RPS6KC1: variants seen among roughly 807,000 people sequenced by gnomAD.
The protein encoded by RPS6KC1 is inactive ribosomal protein S6 kinase delta-1.
In RPS6KC1, 54 loss-of-function variants were observed where a neutral mutation model predicts 103.8. The observed-to-expected ratio is 0.52, with a 90% CI of 0.42 to 0.65. RPS6KC1 has a LOEUF of 0.65. Ranked by LOEUF, RPS6KC1 falls within the 30% of genes least tolerant of loss-of-function variation. The pLI, the probability that RPS6KC1 is intolerant of heterozygous loss-of-function variation, is 0.00. For synonymous variants in RPS6KC1, 439 were observed against 438.7 expected, an observed-to-expected ratio of 1.00 and a Z score of -0.01; for missense variants, 1,151 against 1,253.8, an observed-to-expected ratio of 0.92 and a Z score of 1.24.
chr1:213,485,408 C>A, the RPS6KC1 span, among the ~76,000 whole-genome samples: 1 of 152,128 alleles, frequency 6.6e-6, no homozygotes, highest in African/African-American at 2.4e-5. Context: ...CACCCCTAAC[C>A]TGCCACCCCC....
intron 1 of RPS6KC1, among the ~76,000 whole-genome samples, chr1:213,055,127 A>G (rs1041133295): frequency 2.0e-5 from 3 of 152,188 alleles, no homozygotes; most frequent in Non-Finnish European, 1.5e-5. Context: ...GTAAGTGTCC[A>G]ATTTGATGAG....
chr1:213,749,716 T>C, the RPS6KC1 span, among the ~76,000 whole-genome samples: 1 of 152,188 alleles, frequency 6.6e-6, no homozygotes, highest in Non-Finnish European at 1.5e-5. Flanking sequence ...GTGTCTATTG[T>C]GGCAGCTACT....
intron 6 of RPS6KC1, among the ~76,000 whole-genome samples, chr1:213,163,300 A>G (rs1373467546): frequency 2.0e-5 from 3 of 152,262 alleles, no homozygotes; most frequent in African/African-American, 7.2e-5. Flanking sequence ...GAAATCAAGC[A>G]TGCTTGACTA....
the RPS6KC1 span, among the ~76,000 whole-genome samples, chr1:213,301,023 C>T: frequency 6.6e-6 from 1 of 152,122 alleles, no homozygotes. Flanking sequence ...TTCTGGGGCT[C>T]TCTACTGTGA....
the RPS6KC1 span, among the ~76,000 whole-genome samples, chr1:213,542,537 T>A: frequency 1.1e-4 from 17 of 152,332 alleles, no homozygotes; most frequent in Non-Finnish European, 2.2e-4. Context: ...TCTTTCTCTC[T>A]AAATTTTTGA....
chr1:213,701,894 TTACATCA>T, the RPS6KC1 span, among the ~76,000 whole-genome samples: 2,490 of 152,154 alleles, frequency 0.016, 48 homozygotes, highest in African/African-American at 0.046. Context: ...TTTGCATTGT[TTACATCA>T]TTTCAATTTC....
At chr1:213,423,268 G>T in the RPS6KC1 span, among the ~76,000 whole-genome samples, 1 of 152,218 alleles carries the variant, frequency 6.6e-6, no homozygotes, top group African/African-American at 2.4e-5. Context: ...AGCAGCCCAG[G>T]ATGAGAGAGA....
At position 213,104,559 on chromosome 1, in the gene RPS6KC1, A is replaced by C; in HGVS notation, c.368A>C (p.Asp123Ala). 1 of 1,582,758 alleles carries C rather than the reference A, an allele frequency of 6.3e-7. No homozygotes were observed. The highest frequency in any genetic ancestry group is 8.6e-7 in the Non-Finnish European group (1 of 1,156,484). ...PALYNSKQLE[D>A]FFKGGIINDS... is the part of the protein sequence containing the mutation. ...CTTTACAATAGTAAACAGCTTGAAG[A>C]CTTTTTCAAGGTTTGGTAGTCTTTC... The change falls in exon 4 of 15, where the codon GAC (aspartate) becomes GCC (alanine). Residue 123 changes from aspartate to alanine, a missense_variant. Physicochemically the swap from Asp to Ala is moderately radical, Grantham distance 126 (BLOSUM62 -2). Around this residue, in one of 3 missense-constraint regions of RPS6KC1, gnomAD observed 959 missense variants for 1,006.3 expected, o/e 0.95. Transcript: ENST00000366960.
chr1:213,241,888 G>C lies in RPS6KC1; in HGVS notation c.2412G>C (p.Val804=), dbSNP rs751490870. Residue 804 remains valine, a synonymous_variant, in exon 11 of 15, where the codon GTG becomes GTC. Transcript: ENST00000366960. ...ATCCTAAGTTTCAAGGACTTGGAGT[G>C]GTTGAGTCAGCAGTAACTGCAAACA... ...SSDPKFQGLG[V]VESAVTANNT... The C allele has an allele frequency of 6.2e-7, 1 of 1,613,858 alleles. No homozygotes were observed. Among genetic ancestry groups the C allele is most frequent in the Non-Finnish European group, 8.5e-7 (1 of 1,179,952 alleles).
the RPS6KC1 span, among the ~76,000 whole-genome samples, chr1:213,466,193 T>C: frequency 8.5e-5 from 13 of 152,316 alleles, no homozygotes; most frequent in East Asian, 2.3e-3. Flanking sequence ...TTTATTTATA[T>C]AGTTATATTT....
chr1:213,655,010 G>T, the RPS6KC1 span, among the ~76,000 whole-genome samples: 2 of 152,036 alleles, frequency 1.3e-5, no homozygotes, highest in African/African-American at 2.4e-5. Flanking sequence ...AGTGTGATTT[G>T]CCTTTCAAGA....
the RPS6KC1 span, among the ~76,000 whole-genome samples, chr1:213,526,695 G>A: frequency 1.3e-5 from 2 of 152,160 alleles, no homozygotes; most frequent in African/African-American, 2.4e-5. Context: ...TGCTCCCTGA[G>A]CCTCCATTTC....
the RPS6KC1 span, among the ~76,000 whole-genome samples, chr1:213,791,219 T>C: frequency 6.6e-6 from 1 of 152,104 alleles, no homozygotes. Context: ...TAAGAAGTGA[T>C]ATAGGCTGAG....
At position 213,129,801 on chromosome 1, in the gene RPS6KC1, G is replaced by A. The variant is rs1187877655; in HGVS notation, c.747G>A (p.Leu249=). The change falls in exon 6 of 15, where the codon CTG becomes CTA. Residue 249 remains leucine (L), a synonymous_variant. Transcript: ENST00000366960. ...YLEKAGELIK[L]ALKKEEEDDY... ...AGAAAGCAGGAGAATTAATAAAGCTGGCTTTAAAAAAGGAAGAAGAAGACG... is the reference window on the plus strand; with the variant it reads ...AGAAAGCAGGAGAATTAATAAAGCTAGCTTTAAAAAAGGAAGAAGAAGACG... 6.2e-7 allele frequency: 1 copy of A among 1,613,650 alleles called. No homozygotes were observed. Among genetic ancestry groups the A allele is most frequent in the South Asian group, 1.1e-5 (1 of 90,978 alleles).
the RPS6KC1 span, among the ~76,000 whole-genome samples, chr1:213,630,278 C>T: frequency 6.6e-6 from 1 of 150,636 alleles, no homozygotes; most frequent in Non-Finnish European, 1.5e-5. Context: ...GGCTTTGTTT[C>T]TTTTTATTCT....
At chr1:213,643,390 T>C in the RPS6KC1 span, among the ~76,000 whole-genome samples, 6,593 of 151,952 alleles carry the variant, frequency 0.043, 239 homozygotes, top group East Asian at 0.16. Flanking sequence ...AGATATCTTA[T>C]AGTTTCATTG....
chr1:213,262,448 T>C (rs527482334), intron 13 of RPS6KC1, among the ~76,000 whole-genome samples: 1 of 152,328 alleles, frequency 6.6e-6, no homozygotes, highest in African/African-American at 2.4e-5. Flanking sequence ...TTTAAGCTTT[T>C]CTATAATATT....
the RPS6KC1 span, among the ~76,000 whole-genome samples, chr1:213,363,099 A>C: frequency 1.3e-5 from 2 of 152,240 alleles, no homozygotes; most frequent in South Asian, 4.2e-4. Context: ...GGCCACATCT[A>C]TCAGCAGCAT....
chr1:213,666,437 A>G, the RPS6KC1 span, among the ~76,000 whole-genome samples: 2 of 152,180 alleles, frequency 1.3e-5, no homozygotes, highest in Admixed American at 1.3e-4. Context: ...CTAATTACAG[A>G]CAGTATTTGC....
Sources: gnomAD v4.1 joint callset for allele counts (sites outside exome capture counted in the v4.1 genomes callset) on GRCh38, gnomAD v4.1.1 for gene constraint, gnomAD v4.1.1 regional missense constraint, MANE v1.5 for transcripts, NCBI Gene and HGNC (gene_info 2026-07-23, HGNC 2026-07-21) for gene names.